The following KIF13A variants were observed in gnomAD, a reference collection of about 807,000 sequenced individuals.
KIF13A encodes the protein kinesin family member 13A.
KIF13A carries 79 observed loss-of-function variants against 212.2 expected under a neutral mutation model. The ratio of observed to expected loss-of-function variants is 0.37; its 90% CI spans 0.31 to 0.45. KIF13A has a LOEUF of 0.45. KIF13A is among the 20% of genes least tolerant of loss of function. KIF13A has a pLI of 1.00. For missense variants in KIF13A, 1,901 were observed against 2,209.0 expected (o/e 0.86, Z 2.79); for synonymous variants, 789 against 808.6 (o/e 0.98, Z 0.41).
chr6:17,813,764 TGCCAC>T (rs1763649949), intron 17 of KIF13A, among the ~76,000 whole-genome samples: 1 of 151,888 alleles, frequency 6.6e-6, no homozygotes, highest in Non-Finnish European at 1.5e-5. Context: ...ACAGTCAGAA[TGCCAC>T]GGCTCTGATC....
In KIF13A at chr6:17,817,159, G is replaced by A. The variant is rs1764023441; in HGVS notation, c.1861C>T (p.Arg621Trp). 4.3e-6 allele frequency: 7 copies of A among 1,613,932 alleles called. No homozygotes were observed. Among genetic ancestry groups the A allele is most frequent in the South Asian group, 1.1e-5 (1 of 91,094 alleles). Reference protein sequence around the residue: ...EEKRSALEEQRLMYERELEQL... With the variant: ...EEKRSALEEQWLMYERELEQL... ...TCCAGTTCCCGCTCATACATGAGCCGCTGCTCCTCTAGGGCACTTCTCTTT... is the reference window on the plus strand; with the variant it reads ...TCCAGTTCCCGCTCATACATGAGCCACTGCTCCTCTAGGGCACTTCTCTTT... Residue 621 changes from arginine (R) to tryptophan (W), a missense_variant, in exon 17 of 39, where the codon CGG becomes TGG. Around this residue, in one of 5 missense-constraint regions of KIF13A, gnomAD observed 534 missense variants for 536.9 expected, o/e 0.99. Coordinates refer to ENST00000259711, the MANE Select transcript of KIF13A (RefSeq NM_022113.6).
At position 17,872,891 on chromosome 6, in the gene KIF13A, C is replaced by T. The variant is rs1005447377; in HGVS notation, c.220+486G>A. 6.6e-6 allele frequency among the ~76,000 whole-genome samples: 1 copy of T among 152,170 alleles called. No homozygotes were observed. Among genetic ancestry groups the T allele is most frequent in the Non-Finnish European group, 1.5e-5 (1 of 68,036 alleles). ...CCTCAAGTGATCCGCCCACCTCGGCCTCCCAAAGTGCTGGGATTACAGATG... is the reference window on the plus strand; with the variant it reads ...CCTCAAGTGATCCGCCCACCTCGGCTTCCCAAAGTGCTGGGATTACAGATG... On this transcript the variant is annotated intron_variant, in intron 4 of 38. Transcript: ENST00000259711. This position sits in a 1 kb window ranked among gnomAD's most constrained non-coding sequence, Gnocchi z 4.7.
At chr6:17,797,037 T>C (rs916529232) in intron 22 of KIF13A, among the ~76,000 whole-genome samples, 2 of 151,728 alleles carry the variant, frequency 1.3e-5, no homozygotes, top group African/African-American at 4.8e-5. Flanking sequence ...TTCTTTCTTT[T>C]TTTTTTTCTT....
intron 16 of KIF13A, among the ~76,000 whole-genome samples, chr6:17,824,473 T>C (rs1333448075): frequency 4.0e-5 from 6 of 151,804 alleles, no homozygotes; most frequent in Non-Finnish European, 8.8e-5. Context: ...AAAAACAAAA[T>C]GCTCGGCTGG....
rs186705643 is a variant in KIF13A at position 17,866,755 on chromosome 6, G to C, written c.220+6622C>G. 8.0e-5 allele frequency among the ~76,000 whole-genome samples: 12 copies of C among 149,900 alleles called. No individual in the cohort carries two copies. The East Asian group carries it at 2.4e-3, about 29-fold the overall frequency. On this transcript the variant is annotated intron_variant, in intron 4 of 38. Coordinates refer to ENST00000259711, the MANE Select transcript of KIF13A (RefSeq NM_022113.6). The stretch of plus-strand genomic sequence containing the variant: ...TAAGGAACAAATGTGGACAAAGAAA[G>C]GGAGGTATTGAAGAAAATGGGATTT...
At chr6:17,831,687 G>A (rs575338109) in intron 12 of KIF13A, among the ~76,000 whole-genome samples, 4 of 147,882 alleles carry the variant, frequency 2.7e-5, no homozygotes, top group Middle Eastern at 3.4e-3. Flanking sequence ...CATGGCATAC[G>A]GAAGCACACT....
At chr6:17,779,735 A>AT (rs1554162882) in intron 31 of KIF13A, 51 bp from the exon 32 acceptor site, 170 of 619,460 alleles carry the variant, frequency 2.7e-4, no homozygotes, top group East Asian at 7.6e-4. Flanking sequence ...AATGTAAGTT[A>AT]TTTTGTATTT....
chr6:17,977,117 A>C (rs1186815461), intron 2 of KIF13A, among the ~76,000 whole-genome samples: 165 of 118,468 alleles, frequency 1.4e-3, no homozygotes, highest in East Asian at 0.013. Context: ...ACAACAACAA[A>C]AAAAAAAAAA....
intron 20 of KIF13A, among the ~76,000 whole-genome samples, chr6:17,802,931 T>TG (rs1762595613): frequency 7.8e-6 from 1 of 128,866 alleles, no homozygotes; most frequent in Non-Finnish European, 1.7e-5. Flanking sequence ...GTGTTTTTTT[T>TG]GTTTTTTTTT....
intron 2 of KIF13A, among the ~76,000 whole-genome samples, chr6:17,962,732 CCTCT>C (rs140139218): frequency 1.3e-5 from 2 of 151,330 alleles, no homozygotes; most frequent in African/African-American, 4.8e-5. Context: ...TTCCTGTGGT[CCTCT>C]CTCTCTCTCT....
chr6:17,786,487 C>G lies in KIF13A; in HGVS notation c.3362-846G>C, dbSNP rs764744577. ...GGTGGTGGGCGCCTTGTAGTCCCAG[C>G]TACTCAGGAGACTGAGGCAGGAGAA... On this transcript the variant is annotated intron_variant, in intron 27 of 38. Coordinates refer to ENST00000259711, the MANE Select transcript of KIF13A (RefSeq NM_022113.6). This position sits in a 1 kb window ranked among gnomAD's most constrained non-coding sequence, Gnocchi z 5.4. Among the ~76,000 whole-genome samples, 5 of 151,930 alleles carry G rather than the reference C, an allele frequency of 3.3e-5. No homozygotes were observed. Among genetic ancestry groups the G allele is most frequent in the Non-Finnish European group, 7.4e-5 (5 of 67,984 alleles).
At chr6:17,800,686 C>T (rs1432909423) in intron 20 of KIF13A, among the ~76,000 whole-genome samples, 2 of 151,728 alleles carry the variant, frequency 1.3e-5, no homozygotes, top group African/African-American at 4.8e-5. Flanking sequence ...CTGCAACCTC[C>T]ACCTCCTGGG....
In KIF13A at chr6:17,969,415, A is replaced by G. The variant is rs188247739; in HGVS notation, c.146+17639T>C. ...TGTACTACTTAATTATATTTATATT[A>G]ATTGGATATAAAGTTACTAGGCTTT... is the stretch of plus-strand genomic sequence containing the variant. On this transcript the variant is annotated intron_variant, in intron 2 of 38. Coordinates refer to ENST00000259711, the MANE Select transcript of KIF13A (RefSeq NM_022113.6). 4.8e-3 allele frequency among the ~76,000 whole-genome samples: 735 copies of G among 152,340 alleles called. 5 individuals carry two copies. The highest frequency in any genetic ancestry group is 8.1e-3 in the Non-Finnish European group (548 of 68,040).
downstream of KIF13A, among the ~76,000 whole-genome samples, chr6:17,762,926 C>T (rs1178714315): frequency 1.3e-5 from 2 of 152,196 alleles, no homozygotes; most frequent in African/African-American, 4.8e-5. Context: ...GAGTAACTTG[C>T]TCGCAAAACA....
chr6:17,846,091 G>A (rs1343925544), intron 9 of KIF13A, among the ~76,000 whole-genome samples: 1 of 129,680 alleles, frequency 7.7e-6, no homozygotes, highest in African/African-American at 2.9e-5. Context: ...GAGTAGCTGG[G>A]ATTACAGGCG....
Position 17,773,020 on chromosome 6 carries a change from T to C in KIF13A, c.4324+458A>G, listed in dbSNP as rs545018612. Among the ~76,000 whole-genome samples, 1 of 152,358 alleles carries C rather than the reference T, an allele frequency of 6.6e-6. No individual in the cohort carries two copies. The highest frequency in any genetic ancestry group is 1.5e-5 in the Non-Finnish European group (1 of 68,038). On this transcript the variant is annotated intron_variant, in intron 36 of 38. Coordinates refer to ENST00000259711, the MANE Select transcript of KIF13A (RefSeq NM_022113.6). The surrounding 1 kb of genome is among the most constrained non-coding windows in gnomAD (Gnocchi z 4.2). ...AAGAATACTGTTCCCATTAAGGCAC[T>C]GGTAGACTGTATAATTTAGGTAATA...
chr6:17,772,455 C>CA lies in KIF13A; in HGVS notation c.4325-397dup, dbSNP rs1317163563. Among the ~76,000 whole-genome samples the CA allele has an allele frequency of 1.3e-5, 2 of 151,982 alleles. No individual in the cohort carries two copies. The highest frequency in any genetic ancestry group is 2.9e-5 in the Non-Finnish European group (2 of 67,976). ...AACCCCACAAACAACAAACAACAAA[C>CA]AAAAAAACCCCCAAAAAACCATGGA... On this transcript the variant is annotated intron_variant, in intron 36 of 38. Transcript: ENST00000259711. The surrounding 1 kb of genome is among the most constrained non-coding windows in gnomAD (Gnocchi z 4.8).
At position 17,776,287 on chromosome 6, in the gene KIF13A, G is replaced by A. The variant is rs1759974018; in HGVS notation, c.4170+990C>T. Among the ~76,000 whole-genome samples the A allele has an allele frequency of 6.6e-6, 1 of 152,044 alleles. No individual in the cohort carries two copies. Among genetic ancestry groups the A allele is most frequent in the South Asian group, 2.1e-4 (1 of 4,806 alleles). ...CCCTCACTCTCTCATTTTTTCTACTGTCTAGTATTCTGCTTTATACAGAAT... is the reference window on the plus strand; with the variant it reads ...CCCTCACTCTCTCATTTTTTCTACTATCTAGTATTCTGCTTTATACAGAAT... On this transcript the variant is annotated intron_variant, in intron 34 of 38. Coordinates refer to ENST00000259711, the MANE Select transcript of KIF13A (RefSeq NM_022113.6). The surrounding 1 kb of genome is among the most constrained non-coding windows in gnomAD (Gnocchi z 4.6).
intron 19 of KIF13A, among the ~76,000 whole-genome samples, 164 bp downstream of exon 19, chr6:17,805,311 C>A (rs1762844530): frequency 6.6e-6 from 1 of 152,056 alleles, no homozygotes; most frequent in South Asian, 2.1e-4. Flanking sequence ...GCGCTTCTTT[C>A]AAAATCACTT....
Sources: allele counts gnomAD v4.1 joint callset (sites outside exome capture counted in the v4.1 genomes callset), GRCh38; gene constraint gnomAD v4.1.1; regional missense constraint gnomAD v4.1.1; non-coding constraint Gnocchi (gnomAD v3.1); transcripts MANE v1.5; gene names NCBI Gene and HGNC (gene_info 2026-07-23, HGNC 2026-07-21).